CAMTA1: variants seen among roughly 807,000 people sequenced by gnomAD.
The protein encoded by CAMTA1 is calmodulin binding transcription activator 1, also known as calmodulin-binding transcription activator 1.
A neutral mutation model predicts 170.9 loss-of-function variants in CAMTA1; 27 were observed. The ratio of observed to expected loss-of-function variants is 0.16; its 90% CI spans 0.12 to 0.22. The LOEUF is 0.22. Ranked by LOEUF, CAMTA1 falls within the 10% of genes least tolerant of loss-of-function variation. The probability of loss-of-function intolerance (pLI) is 1.00; values close to 1 mark genes in which losing one functional copy is unlikely to be tolerated. For synonymous variants in CAMTA1, 833 were observed against 891.5 expected, an observed-to-expected ratio of 0.93 and a Z score of 1.17; for missense variants, 1,619 against 2,217.2, an observed-to-expected ratio of 0.73 and a Z score of 5.42.
Position 6,963,952 on chromosome 1 carries a change from T to C in CAMTA1, c.235-127352T>C, listed in dbSNP as rs952322508. ...GCCTGTCGCAGAAGACCCAGTGTCC[T>C]GGGTGCTCTGGGTGAGGCACAGCGT... On this transcript the variant is annotated intron_variant, in intron 3 of 22. Coordinates refer to ENST00000303635, the MANE Select transcript of CAMTA1 (RefSeq NM_015215.4). Among the ~76,000 whole-genome samples, 4 of 152,258 alleles carry C rather than the reference T, an allele frequency of 2.6e-5. No individual in the cohort carries two copies. In the East Asian group the frequency reaches 7.7e-4, roughly 29 times the overall value.
chr1:7,054,618 G>A (rs1338551679), intron 3 of CAMTA1, among the ~76,000 whole-genome samples: 1 of 152,136 alleles, frequency 6.6e-6, no homozygotes, highest in African/African-American at 2.4e-5. Flanking sequence ...TTTTCAGAAG[G>A]GATGCCTCCT....
intron 3 of CAMTA1, among the ~76,000 whole-genome samples, chr1:7,074,057 G>C (rs1011279390): frequency 6.6e-6 from 1 of 152,192 alleles, no homozygotes; most frequent in East Asian, 1.9e-4. Flanking sequence ...TGATTGAGGA[G>C]TGGGCAGGAG....
intron 5 of CAMTA1, among the ~76,000 whole-genome samples, chr1:7,369,841 G>T (rs1448746922): frequency 6.6e-6 from 1 of 152,160 alleles, no homozygotes; most frequent in Admixed American, 6.5e-5. Flanking sequence ...CACCTGATCA[G>T]TCCCCTCCTA....
At chr1:7,212,663 C>T (rs1378172699) in intron 4 of CAMTA1, among the ~76,000 whole-genome samples, 2 of 152,148 alleles carry the variant, frequency 1.3e-5, no homozygotes, top group Non-Finnish European at 2.9e-5. Flanking sequence ...TAGAGTATCA[C>T]AGCCAGGATA....
In CAMTA1 at chr1:7,665,055, G is replaced by A. The variant is rs750794977; in HGVS notation, c.2508G>A (p.Ser836=). The A allele has an allele frequency of 7.0e-6, 11 of 1,575,426 alleles. No individual in the cohort carries two copies. The highest frequency in any genetic ancestry group is 1.7e-4 in the Middle Eastern group (1 of 5,864). The change falls in exon 9 of 23, where the codon TCG becomes TCA. Residue 836 remains serine, a synonymous_variant. Coordinates refer to ENST00000303635, the MANE Select transcript of CAMTA1 (RefSeq NM_015215.4). The surrounding 1 kb of genome is among the most constrained non-coding windows in gnomAD (Gnocchi z 4.3). ...AGGGTAGCCTGCAGCTGAGCAGCTC[G>A]GAGGGCGGGGCCAGCACCATGGCCT... ...PQQGSLQLSS[S]EGGASTMAYM...
chr1:7,493,243 GCA>G (rs978415094), intron 6 of CAMTA1, among the ~76,000 whole-genome samples: 10 of 122,412 alleles, frequency 8.2e-5, no homozygotes, highest in South Asian at 5.6e-4. Context: ...GTACAATCAC[GCA>G]CACACAAACC....
chr1:7,615,843 G>A (rs1313072616), intron 6 of CAMTA1, among the ~76,000 whole-genome samples: 1 of 152,210 alleles, frequency 6.6e-6, no homozygotes, highest in Admixed American at 6.5e-5. Flanking sequence ...GTGACCTTAA[G>A]CCAGTCACTC....
In CAMTA1 at chr1:6,971,800, G is replaced by C. The variant is rs567334443; in HGVS notation, c.235-119504G>C. 6.6e-6 allele frequency among the ~76,000 whole-genome samples: 1 copy of C among 152,332 alleles called. No homozygotes were observed. Among genetic ancestry groups the C allele is most frequent in the South Asian group, 2.1e-4 (1 of 4,824 alleles). On this transcript the variant is annotated intron_variant, in intron 3 of 22. Coordinates refer to ENST00000303635, the MANE Select transcript of CAMTA1 (RefSeq NM_015215.4). This position sits in a 1 kb window ranked among gnomAD's most constrained non-coding sequence, Gnocchi z 4.6. Reference sequence around the variant, plus strand: ...CAGGCCTGCCTGTGGCCGCCCCCGGGTCTCAGCAATGGCATTATCACTGCT... The same window carrying C: ...CAGGCCTGCCTGTGGCCGCCCCCGGCTCTCAGCAATGGCATTATCACTGCT...
intron 5 of CAMTA1, among the ~76,000 whole-genome samples, chr1:7,448,893 G>A (rs758739363): frequency 1.3e-4 from 20 of 152,230 alleles, no homozygotes; most frequent in Admixed American, 5.2e-4. Flanking sequence ...CTCTGTGGGC[G>A]CCCAGCAGCA....
Position 7,585,754 on chromosome 1 carries a change from C to G in CAMTA1, c.511-54646C>G, listed in dbSNP as rs557683865. ...AGTTCATACATCCTAGAGGGGGGCT[C>G]TCTTGTGGACAGACAGGCCAGAGAC... On this transcript the variant is annotated intron_variant, in intron 6 of 22. Transcript: ENST00000303635. The surrounding 1 kb of genome is among the most constrained non-coding windows in gnomAD (Gnocchi z 4.8). Among the ~76,000 whole-genome samples, 4 of 152,152 alleles carry G rather than the reference C, an allele frequency of 2.6e-5. No individual in the cohort carries two copies. Among genetic ancestry groups the G allele is most frequent in the South Asian group, 2.1e-4 (1 of 4,820 alleles).
At chr1:7,009,359 A>G (rs543809775) in intron 3 of CAMTA1, among the ~76,000 whole-genome samples, 37 of 152,262 alleles carry the variant, frequency 2.4e-4, no homozygotes, top group Non-Finnish European at 4.9e-4. Context: ...GAAGGCAGGA[A>G]ACCCGGGTCT....
chr1:7,553,175 G>GTGAA (rs1175322225), intron 6 of CAMTA1, among the ~76,000 whole-genome samples: 2 of 152,178 alleles, frequency 1.3e-5, no homozygotes, highest in Admixed American at 6.5e-5. Context: ...GAATGAATGA[G>GTGAA]TGAATGAATG....
At chr1:6,845,944 G>A (rs1047534927) in intron 3 of CAMTA1, among the ~76,000 whole-genome samples, 2 of 152,182 alleles carry the variant, frequency 1.3e-5, no homozygotes, top group Non-Finnish European at 2.9e-5. Context: ...CACAATCATG[G>A]CAGAAGGCAA....
At chr1:7,386,528 T>G (rs566449930) in intron 5 of CAMTA1, among the ~76,000 whole-genome samples, 1 of 152,294 alleles carries the variant, frequency 6.6e-6, no homozygotes, top group South Asian at 2.1e-4. Flanking sequence ...CCACGGTGGA[T>G]GTTCTTGGCC....
intron 6 of CAMTA1, among the ~76,000 whole-genome samples, chr1:7,541,556 A>G (rs1321581187): frequency 6.6e-6 from 1 of 152,244 alleles, no homozygotes; most frequent in Non-Finnish European, 1.5e-5. Flanking sequence ...GTTTGCTTGA[A>G]ATTATTACAA....
chr1:7,624,875 T>C (rs2095622733), intron 6 of CAMTA1, among the ~76,000 whole-genome samples: 1 of 151,894 alleles, frequency 6.6e-6, no homozygotes, highest in Non-Finnish European at 1.5e-5. Context: ...GGGAATGAAA[T>C]TATTTTGGTT....
chr1:7,071,743 T>C (rs1032425958), intron 3 of CAMTA1, among the ~76,000 whole-genome samples: 1 of 152,220 alleles, frequency 6.6e-6, no homozygotes, highest in African/African-American at 2.4e-5. Context: ...ATTGACTCTT[T>C]AAACCAAGTA....
intron 4 of CAMTA1, among the ~76,000 whole-genome samples, chr1:7,227,941 G>T (rs914607357): frequency 2.1e-5 from 3 of 139,960 alleles, no homozygotes; most frequent in South Asian, 4.2e-4. Flanking sequence ...GGCTGGCAGC[G>T]CTTTGTCCCT....
In CAMTA1 at chr1:7,087,743, C is replaced by T. The variant is rs75896414; in HGVS notation, c.235-3561C>T. Among the ~76,000 whole-genome samples, 8 of 152,296 alleles carry T rather than the reference C, an allele frequency of 5.3e-5. No homozygotes were observed. In the South Asian group the frequency reaches 6.2e-4, roughly 12 times the overall value. ...TTCATAGTTTGTTATGAAGATTAAA[C>T]GAGATGGTCCCACATAAGTCCTAGG... On this transcript the variant is annotated intron_variant, in intron 3 of 22. Coordinates refer to ENST00000303635, the MANE Select transcript of CAMTA1 (RefSeq NM_015215.4).
Sources: gnomAD v4.1 joint callset for allele counts (sites outside exome capture counted in the v4.1 genomes callset) on GRCh38, gnomAD v4.1.1 for gene constraint, Gnocchi (gnomAD v3.1) non-coding constraint, MANE v1.5 for transcripts, NCBI Gene and HGNC (gene_info 2026-07-23, HGNC 2026-07-21) for gene names.